CIT: variants seen among roughly 807,000 people sequenced by gnomAD.
CIT encodes citron rho-interacting serine/threonine kinase, also known as citron Rho-interacting kinase.
A neutral mutation model predicts 272.7 loss-of-function variants in CIT; 79 were observed. The observed-to-expected ratio is 0.29, with a 90% CI of 0.24 to 0.35. The LOEUF is 0.35. CIT is among the 10% of genes least tolerant of loss of function. CIT has a pLI of 1.00. For missense variants in CIT, 1,909 were observed against 2,618.3 expected (o/e 0.73, Z 5.91); for synonymous variants, 948 against 995.6 (o/e 0.95, Z 0.90).
chr12:119,836,261 T>C (rs954850249), intron 5 of CIT, among the ~76,000 whole-genome samples: 2 of 118,262 alleles, frequency 1.7e-5, no homozygotes, highest in Admixed American at 2.4e-4. Flanking sequence ...CACTCCAGCC[T>C]GGCAACAGAG....
At position 119,712,793 on chromosome 12, in the gene CIT, C is replaced by T; in HGVS notation, c.4580-98G>A. The stretch of plus-strand genomic sequence containing the variant: ...AGAGAGACAGCAAGGGAGAGAGAGA[C>T]AGGGTACGTGTGTAAAGAGAGGCGC... On this transcript the variant is annotated intron_variant, in intron 35 of 47. Transcript: ENST00000392521. The surrounding 1 kb of genome is among the most constrained non-coding windows in gnomAD (Gnocchi z 5.2). 2.1e-6 allele frequency: 2 copies of T among 972,016 alleles called. No homozygotes were observed. Among genetic ancestry groups the T allele is most frequent in the South Asian group, 1.4e-5 (1 of 69,226 alleles). 60.2% of individuals were successfully genotyped at this position (972,016 alleles called of 1,614,324 possible).
At chr12:119,817,252 C>T (rs1967272979) in intron 9 of CIT, among the ~76,000 whole-genome samples, 1 of 152,100 alleles carries the variant, frequency 6.6e-6, no homozygotes, top group Non-Finnish European at 1.5e-5. Flanking sequence ...TGGCTCATGC[C>T]TGTAATCCCA....
At chr12:119,759,388 G>A (rs1961452846) in intron 20 of CIT, among the ~76,000 whole-genome samples, 1 of 152,206 alleles carries the variant, frequency 6.6e-6, no homozygotes, top group Non-Finnish European at 1.5e-5. Context: ...GGCTTAGCCT[G>A]TAATCCCAAC....
intron 13 of CIT, among the ~76,000 whole-genome samples, chr12:119,777,677 C>A (rs11064899): frequency 2.0e-5 from 3 of 147,346 alleles, no homozygotes; most frequent in Middle Eastern, 6.9e-3. Flanking sequence ...CTCAAAAAAA[C>A]AAAAAAAAAC....
At chr12:119,845,346 A>C (rs1286923779) in intron 5 of CIT, among the ~76,000 whole-genome samples, 1 of 151,844 alleles carries the variant, frequency 6.6e-6, no homozygotes, top group East Asian at 1.9e-4. Flanking sequence ...ACAGCAGTTA[A>C]ATCCACAACT....
rs182361547 is a variant in CIT, at chr12:119,821,489, T to C, written c.1111+1331A>G. On this transcript the variant is annotated intron_variant, in intron 9 of 47. Coordinates refer to ENST00000392521, the MANE Select transcript of CIT (RefSeq NM_001206999.2). Reference sequence around the variant, plus strand: ...CAGTTTCACACATCCACTGGGAGACTTGGAACATATGTGCCACAGATAGGA... The same window carrying C: ...CAGTTTCACACATCCACTGGGAGACCTGGAACATATGTGCCACAGATAGGA... Among the ~76,000 whole-genome samples, 143 of 152,298 alleles carry C rather than the reference T, an allele frequency of 9.4e-4. 1 individual carries two copies. The highest frequency in any genetic ancestry group is 3.3e-3 in the African/African-American group (139 of 41,556).
At chr12:119,735,784 G>A (rs1308174902) in intron 24 of CIT, among the ~76,000 whole-genome samples, 1 of 152,210 alleles carries the variant, frequency 6.6e-6, no homozygotes, top group Non-Finnish European at 1.5e-5. Context: ...GATGGCCATA[G>A]TCTTAGAAAG....
intron 24 of CIT, among the ~76,000 whole-genome samples, chr12:119,738,607 G>A (rs979700936): frequency 6.6e-6 from 1 of 152,058 alleles, no homozygotes; most frequent in Non-Finnish European, 1.5e-5. Flanking sequence ...ATCTAAGCTG[G>A]ACGTGGTGGC....
At chr12:119,825,625 G>A (rs1968100958) in intron 7 of CIT, among the ~76,000 whole-genome samples, 1 of 152,026 alleles carries the variant, frequency 6.6e-6, no homozygotes, top group South Asian at 2.1e-4. Flanking sequence ...ACAGCCTTCA[G>A]TTATACGAAT....
chr12:119,755,031 G>T (rs1482621019), intron 22 of CIT, among the ~76,000 whole-genome samples: 1 of 152,220 alleles, frequency 6.6e-6, no homozygotes, highest in African/African-American at 2.4e-5. Flanking sequence ...ACAGAAGAGT[G>T]AAAGTATAGC....
chr12:119,829,566 C>T (rs1381225861), intron 7 of CIT, among the ~76,000 whole-genome samples: 1 of 152,188 alleles, frequency 6.6e-6, no homozygotes, highest in Non-Finnish European at 1.5e-5. Context: ...AGGGCTATCT[C>T]TTGTGGGGTT....
At chr12:119,724,393 T>C (rs4767840) in intron 28 of CIT, among the ~76,000 whole-genome samples, 90,655 of 151,528 alleles carry the variant, frequency 0.6, 27,489 homozygotes, top group African/African-American at 0.69. Context: ...TGTGTTTTAA[T>C]GTAATAGAAC....
intron 20 of CIT, 45 bp from the exon 21 acceptor site, chr12:119,758,745 G>A (rs1322431096): frequency 7.8e-7 from 1 of 1,287,690 alleles, no homozygotes; most frequent in African/African-American, 1.5e-5. Context: ...CAGAACAGGA[G>A]TAACAGGGGC....
At chr12:119,862,274 C>T (rs936811276) in intron 3 of CIT, among the ~76,000 whole-genome samples, 2 of 152,078 alleles carry the variant, frequency 1.3e-5, no homozygotes, top group South Asian at 2.1e-4. Flanking sequence ...GGATTACAGG[C>T]GTGAGCCACT....
At chr12:119,689,790 G>A (rs1021539050) in intron 47 of CIT, among the ~76,000 whole-genome samples, 1 of 141,390 alleles carries the variant, frequency 7.1e-6, no homozygotes, top group Non-Finnish European at 1.5e-5. Flanking sequence ...CCATTCTCCC[G>A]CCTCAGCCTC....
chr12:119,704,865 T>C (rs1218984961), intron 40 of CIT, among the ~76,000 whole-genome samples: 1 of 152,090 alleles, frequency 6.6e-6, no homozygotes, highest in Non-Finnish European at 1.5e-5. Flanking sequence ...GAAGACAGAA[T>C]GAGGGAAGGG....
At chr12:119,836,700 T>TG (rs1380388521) in intron 5 of CIT, among the ~76,000 whole-genome samples, 5 of 152,120 alleles carry the variant, frequency 3.3e-5, no homozygotes, top group Admixed American at 6.5e-5. Context: ...ATTAAAGATG[T>TG]GAAAAAAACA....
rs1962711052 is a variant in CIT, at chr12:119,768,420, T to C, written c.2209-1238A>G. Reference sequence around the variant, plus strand: ...ATTACTCCAAGTTTTCAACTCTTTATACTATTATGAAATTTTTCTTTGAAG... The same window carrying C: ...ATTACTCCAAGTTTTCAACTCTTTACACTATTATGAAATTTTTCTTTGAAG... On this transcript the variant is annotated intron_variant, in intron 18 of 47. Coordinates refer to ENST00000392521, the MANE Select transcript of CIT (RefSeq NM_001206999.2). The surrounding 1 kb of genome is among the most constrained non-coding windows in gnomAD (Gnocchi z 4.3). 6.6e-6 allele frequency among the ~76,000 whole-genome samples: 1 copy of C among 152,246 alleles called. No homozygotes were observed.
In CIT at chr12:119,782,601, C is replaced by T; in HGVS notation, c.1582G>A (p.Val528Met). 1.5e-5 allele frequency: 24 copies of T among 1,614,196 alleles called. No individual in the cohort carries two copies. Among genetic ancestry groups the T allele is most frequent in the Non-Finnish European group, 2.0e-5 (24 of 1,180,032 alleles). The change falls in exon 13 of 48, where the codon GTG becomes ATG. Residue 528 changes from valine to methionine, a missense_variant. Val to Met is a conservative substitution (Grantham distance 21). Coordinates refer to ENST00000392521, the MANE Select transcript of CIT (RefSeq NM_001206999.2). ...KRSLEQARME[V>M]SQEDDKALQL... ...AGTGCTTTGTCATCCTCCTGGGACA[C>T]CTCCATCCGTGCTTGCTCCAAACTT...
Sources: allele counts gnomAD v4.1 joint callset (sites outside exome capture counted in the v4.1 genomes callset), GRCh38; gene constraint gnomAD v4.1.1; non-coding constraint Gnocchi (gnomAD v3.1); transcripts MANE v1.5; gene names NCBI Gene and HGNC (gene_info 2026-07-23, HGNC 2026-07-21).